OLFML2A: variants seen among roughly 807,000 people sequenced by gnomAD.
OLFML2A encodes the protein olfactomedin-like protein 2A.
Under a neutral mutation model 60.9 loss-of-function variants are expected in OLFML2A, and 47 were observed. That is an observed-to-expected ratio of 0.77 (90% CI 0.61 to 0.98). The LOEUF (loss-of-function observed/expected upper bound fraction) is 0.98. Ranked by LOEUF, OLFML2A falls within the 50% of genes least tolerant of loss-of-function variation. OLFML2A has a pLI of 0.00. For synonymous variants in OLFML2A, 372 were observed against 375.0 expected, an observed-to-expected ratio of 0.99 and a Z score of 0.09; for missense variants, 922 against 879.8, an observed-to-expected ratio of 1.05 and a Z score of -0.61.
chr9:124,810,568 C>T lies in OLFML2A; in HGVS notation c.*156C>T, dbSNP rs142846219. ...CACCAGGATTGAGCTTCCTCAGCAC[C>T]CAGTGGGTAATACTTGCTTCCACTT... is the stretch of plus-strand genomic sequence containing the variant. On this transcript the variant is annotated 3_prime_UTR_variant, in exon 8 of 8. Transcript: ENST00000373580. 2 of 698,890 alleles carry T rather than the reference C, an allele frequency of 2.9e-6. No individual in the cohort carries two copies. The highest frequency in any genetic ancestry group is 4.7e-6 in the Non-Finnish European group (2 of 427,456). The allele number at this position is 698,890 out of a possible 1,614,324, so 43.3% of individuals were successfully genotyped here.
chr9:124,805,947 A>G (rs1288960420), intron 6 of OLFML2A, among the ~76,000 whole-genome samples: 1 of 150,170 alleles, frequency 6.7e-6, no homozygotes, highest in Non-Finnish European at 1.5e-5. Context: ...TCCCAAGCAG[A>G]TGGGATTTCA....
chr9:124,804,418 C>T (rs916035397), intron 6 of OLFML2A, 76 bp downstream of exon 6: 37 of 1,396,568 alleles, frequency 2.6e-5, no homozygotes, highest in Non-Finnish European at 3.5e-5. Context: ...CTGTGAAGCC[C>T]TCAAGTTAAG....
chr9:124,781,543 C>T (rs1841361230), intron 1 of OLFML2A, among the ~76,000 whole-genome samples: 1 of 152,074 alleles, frequency 6.6e-6, no homozygotes, highest in African/African-American at 2.4e-5. Flanking sequence ...CCTGTAATCC[C>T]AGCACTTTGG....
chr9:124,802,578 C>G (rs911130431), intron 5 of OLFML2A, among the ~76,000 whole-genome samples: 1 of 152,226 alleles, frequency 6.6e-6, no homozygotes, highest in Admixed American at 6.5e-5. Context: ...GAGCCTCTGA[C>G]CCCTGGCTGG....
chr9:124,797,756 T>TCCTG (rs1841694625), intron 3 of OLFML2A, among the ~76,000 whole-genome samples: 1 of 152,210 alleles, frequency 6.6e-6, no homozygotes, highest in Admixed American at 6.5e-5. Context: ...CCCCCAGGTT[T>TCCTG]CCAAGTCCTC....
At chr9:124,799,549 G>A (rs1841734968) in intron 4 of OLFML2A, 58 bp downstream of exon 4, 2 of 1,411,900 alleles carry the variant, frequency 1.4e-6, no homozygotes, top group Non-Finnish European at 1.9e-6. Flanking sequence ...AGCTCAGTGT[G>A]CCAGGACGTT....
intron 1 of OLFML2A, among the ~76,000 whole-genome samples, chr9:124,786,509 A>T (rs576776776): frequency 1.3e-5 from 2 of 152,174 alleles, no homozygotes; most frequent in East Asian, 3.9e-4. Context: ...TCACAAGGTT[A>T]GGAGACCAAG....
rs887425827 is a variant in OLFML2A at position 124,777,172 on chromosome 9, C to T, written c.-99C>T. The stretch of plus-strand genomic sequence containing the variant: ...GGCAGCAGGGTGCAGGCGCGGGGCG[C>T]GGGGCAGGCAGAGCGGGCGAAGGCG... On this transcript the variant is annotated 5_prime_UTR_variant, in exon 1 of 8. Coordinates refer to ENST00000373580, the MANE Select transcript of OLFML2A (RefSeq NM_182487.4). The surrounding 1 kb of genome is among the most constrained non-coding windows in gnomAD (Gnocchi z 6.2). The T allele has an allele frequency of 8.6e-5, 35 of 406,120 alleles. No individual in the cohort carries two copies. Among genetic ancestry groups the T allele is most frequent in the Non-Finnish European group, 1.3e-4 (32 of 248,538 alleles). 25.2% of individuals were successfully genotyped at this position (406,120 alleles called of 1,614,324 possible).
chr9:124,780,707 G>A (rs1265355049), intron 1 of OLFML2A, among the ~76,000 whole-genome samples: 2 of 152,224 alleles, frequency 1.3e-5, no homozygotes, highest in Non-Finnish European at 2.9e-5. Context: ...CCTTTGGCTG[G>A]GGCATCTGGG....
In OLFML2A at chr9:124,804,349, G is replaced by C; in HGVS notation, c.1168+7G>C. On this transcript the variant is annotated splice_region_variant and intron_variant, in intron 6 of 7. Coordinates refer to ENST00000373580, the MANE Select transcript of OLFML2A (RefSeq NM_182487.4). ...CCAGAAGTCTCCAGCCAAGGTGAGTGAGCCTCACAGGAGTCAGCACACTGT... is the reference window on the plus strand; with the variant it reads ...CCAGAAGTCTCCAGCCAAGGTGAGTCAGCCTCACAGGAGTCAGCACACTGT... 6.5e-7 allele frequency: 1 copy of C among 1,536,532 alleles called. No homozygotes were observed. Among genetic ancestry groups the C allele is most frequent in the Non-Finnish European group, 8.8e-7 (1 of 1,140,282 alleles).
In OLFML2A at chr9:124,810,347, G is replaced by A. The variant is rs765834626; in HGVS notation, c.1894G>A (p.Glu632Lys). 3.1e-5 allele frequency: 49 copies of A among 1,604,104 alleles called. No homozygotes were observed. In the East Asian group the frequency reaches 1.1e-3, roughly 35 times the overall value. ...CACCCAGATCGACTACAACCCCAAGGAGCGGGTGCTGTACGCCTGGGACAA... is the reference window on the plus strand; with the variant it reads ...CACCCAGATCGACTACAACCCCAAGAAGCGGGTGCTGTACGCCTGGGACAA... ...YTTQIDYNPKERVLYAWDNGH... is the reference protein window; with the variant it reads ...YTTQIDYNPKKRVLYAWDNGH... Residue 632 changes from glutamate (E) to lysine (K), a missense_variant, in exon 8 of 8, where the codon GAG (glutamate) becomes AAG (lysine). Transcript: ENST00000373580.
At chr9:124,797,014 G>T (rs947111918) in intron 3 of OLFML2A, among the ~76,000 whole-genome samples, 11 of 152,058 alleles carry the variant, frequency 7.2e-5, no homozygotes, top group African/African-American at 2.4e-4. Context: ...TTGTTTGTTT[G>T]TTTTTTTGAG....
At chr9:124,784,760 C>T (rs910642276) in intron 1 of OLFML2A, among the ~76,000 whole-genome samples, 41 of 152,088 alleles carry the variant, frequency 2.7e-4, no homozygotes, top group African/African-American at 9.4e-4. Flanking sequence ...CCGTCTCTCT[C>T]TAACTCCTGG....
At position 124,787,049 on chromosome 9, in the gene OLFML2A, C is replaced by G. The variant is rs1432787766; in HGVS notation, c.165C>G (p.Pro55=). Residue 55 remains proline, a synonymous_variant, in exon 2 of 8, where the codon CCC becomes CCG. Coordinates refer to ENST00000373580, the MANE Select transcript of OLFML2A (RefSeq NM_182487.4). ...SDCRCKCIMR[P]LSKDACSRVR... Reference sequence around the variant, plus strand: ...GCCGTTGCAAGTGCATCATGCGGCCCCTGAGCAAGGACGCGTGTAGCCGAG... The same window carrying G: ...GCCGTTGCAAGTGCATCATGCGGCCGCTGAGCAAGGACGCGTGTAGCCGAG... 3.7e-6 allele frequency: 6 copies of G among 1,613,906 alleles called. No individual in the cohort carries two copies. Among genetic ancestry groups the G allele is most frequent in the African/African-American group, 1.3e-5 (1 of 74,930 alleles).
rs760338206 is a variant in OLFML2A, at chr9:124,795,030, T to C, written c.361T>C (p.Ser121Pro). Reference protein sequence around the residue: ...KQAPELLKLQSMVDLLEGTLY... With the variant: ...KQAPELLKLQPMVDLLEGTLY... ...ATCCCCCTTCCCCGGGCAGCTGCAG[T>C]CCATGGTGGATCTCCTGGAGGGCAC... The change falls in exon 3 of 8, where the codon TCC (serine) becomes CCC (proline). Residue 121 changes from serine to proline, a missense_variant. Ser to Pro is a moderately conservative substitution (Grantham distance 74). Coordinates refer to ENST00000373580, the MANE Select transcript of OLFML2A (RefSeq NM_182487.4). The C allele has an allele frequency of 1.3e-6, 2 of 1,598,554 alleles. No individual in the cohort carries two copies. The highest frequency in any genetic ancestry group is 8.5e-7 in the Non-Finnish European group (1 of 1,170,306).
intron 1 of OLFML2A, among the ~76,000 whole-genome samples, chr9:124,778,679 C>T (rs989230917): frequency 1.4e-4 from 21 of 151,942 alleles, no homozygotes; most frequent in African/African-American, 4.4e-4. Flanking sequence ...CACCTGTAAT[C>T]CCAGCTACTC....
At chr9:124,788,410 A>T (rs1841518035) in intron 2 of OLFML2A, among the ~76,000 whole-genome samples, 1 of 152,050 alleles carries the variant, frequency 6.6e-6, no homozygotes, top group Non-Finnish European at 1.5e-5. Context: ...GCTCAAGAGC[A>T]CCCTGGCCAA....
At chr9:124,808,734 G>A (rs1457213420) in intron 7 of OLFML2A, among the ~76,000 whole-genome samples, 1 of 152,058 alleles carries the variant, frequency 6.6e-6, no homozygotes, top group Admixed American at 6.6e-5. Flanking sequence ...ACATGCAGAG[G>A]CCTGGCAATG....
At chr9:124,783,758 T>C (rs942633176) in intron 1 of OLFML2A, among the ~76,000 whole-genome samples, 4 of 152,192 alleles carry the variant, frequency 2.6e-5, no homozygotes, top group African/African-American at 9.7e-5. Context: ...AGCACTGTTA[T>C]GAAGACATAG....
Sources: allele counts gnomAD v4.1 joint callset (sites outside exome capture counted in the v4.1 genomes callset), GRCh38; gene constraint gnomAD v4.1.1; non-coding constraint Gnocchi (gnomAD v3.1); transcripts MANE v1.5; gene names NCBI Gene and HGNC (gene_info 2026-07-23, HGNC 2026-07-21).